The following PKD1 variants were observed in gnomAD, a reference collection of about 807,000 sequenced individuals.
PKD1 encodes the protein polycystin 1, transient receptor potential channel interacting, also known as polycystin-1.
A neutral mutation model predicts 361.7 loss-of-function variants in PKD1; 81 were observed. The ratio of observed to expected loss-of-function variants is 0.22; its 90% CI spans 0.19 to 0.27. The LOEUF is 0.27. Ranked by LOEUF, PKD1 falls within the 10% of genes least tolerant of loss-of-function variation. PKD1 has a pLI of 1.00. For synonymous variants in PKD1, 3,615 were observed against 2,818.3 expected (o/e 1.28, Z -8.95); for missense variants, 6,399 against 6,118.3 (o/e 1.05, Z -1.53).
intron 1 of PKD1, among the ~76,000 whole-genome samples, chr16:2,134,630 GGTC>G (rs1429905132): frequency 2.0e-5 from 3 of 151,760 alleles, no homozygotes; most frequent in African/African-American, 7.3e-5. Context: ...GCCTGGGACA[GGTC>G]GTGTCACCTC....
rs189095400 is a variant in PKD1 at position 2,114,418 on chromosome 16, G to C, written c.2605C>G (p.Arg869Gly). Reference protein sequence around the residue: ...ARWPGGSVSARFENVCPALVA... With the variant: ...ARWPGGSVSAGFENVCPALVA... ...AGGGCAGGGCAGACATTCTCAAAGC[G>C]GGCGCTGACACTGCCCCCAGGCCAG... The change falls in exon 11 of 46, where the codon CGC becomes GGC. Residue 869 changes from arginine to glycine, a missense_variant. Coordinates refer to ENST00000262304, the MANE Select transcript of PKD1 (RefSeq NM_001009944.3). 2.5e-6 allele frequency: 4 copies of C among 1,603,156 alleles called. No homozygotes were observed. The highest frequency in any genetic ancestry group is 2.3e-4 in the Middle Eastern group (1 of 4,428).
At chr16:2,092,877 CAT>C in intron 38 of PKD1, 75 bp downstream of exon 38, 29 of 1,547,316 alleles carry the variant, frequency 1.9e-5, no homozygotes, top group East Asian at 1.8e-4. Context: ...CACATGTCCA[CAT>C]GTCCCCTAGG....
In PKD1 at chr16:2,093,883, GC is replaced by G. The variant is rs2151708652; in HGVS notation, c.10748del (p.Gly3583AlafsTer2). The part of the protein sequence containing the change: ...SGWVGASFPP[G>X]VSVAWLLSSS... ...TGGACAGGAGCCACGCAACACTCAC[GC>G]CCGGGGGGAAGCTCGCACCCACCCA... On this transcript the variant is annotated frameshift_variant, in exon 36 of 46. Transcript: ENST00000262304. LOFTEE classifies it high-confidence loss of function. 6.3e-7 allele frequency: 1 copy of G among 1,575,562 alleles called. No homozygotes were observed.
At chr16:2,099,812 C>T in intron 29 of PKD1, 42 bp from the exon 30 acceptor site, 1 of 1,555,294 alleles carries the variant, frequency 6.4e-7, no homozygotes. Context: ...GGCTGAGGGG[C>T]AGGAAGGGCT....
At position 2,112,918 on chromosome 16, in the gene PKD1, C is replaced by G; in HGVS notation, c.3031G>C (p.Val1011Leu). 1.2e-6 allele frequency: 2 copies of G among 1,605,482 alleles called. No individual in the cohort carries two copies. The highest frequency in any genetic ancestry group is 1.7e-6 in the Non-Finnish European group (2 of 1,179,762). ...ATCCTGTTCATCCGCTCCACGGTTA[C>G]GTTGTAGTTCACGGTGACGTTGCTC... ...HVSNVTVNYN[V>L]TVERMNRMQG... The change falls in exon 13 of 46, where the codon GTA becomes CTA. Residue 1011 changes from valine (V) to leucine (L), a missense_variant. Transcript: ENST00000262304.
At chr16:2,124,281 C>T (rs1158607565) in intron 1 of PKD1, among the ~76,000 whole-genome samples, 3 of 152,232 alleles carry the variant, frequency 2.0e-5, no homozygotes, top group Non-Finnish European at 2.9e-5. Flanking sequence ...CGGGTCTGCC[C>T]GCCACCCGGG....
rs759750588 is a variant in PKD1 at position 2,114,744 on chromosome 16, C to A, written c.2279G>T (p.Gly760Val). Residue 760 changes from glycine to valine, a missense_variant, in exon 11 of 46, where the codon GGC (glycine) becomes GTC (valine). By Grantham distance (109) the Gly-to-Val change is moderately radical (BLOSUM62 -3). Transcript: ENST00000262304. ...WLPHLPAQLEGTWACPACALR... is the reference protein window; with the variant it reads ...WLPHLPAQLEVTWACPACALR... ...GGCACAGGCAGGGCAGGCCCAAGTGCCCTCCAGCTGGGCTGGCAAGTGGGG... is the reference window on the plus strand; with the variant it reads ...GGCACAGGCAGGGCAGGCCCAAGTGACCTCCAGCTGGGCTGGCAAGTGGGG... 15 of 1,501,948 alleles carry A rather than the reference C, an allele frequency of 1.0e-5. No individual in the cohort carries two copies. The highest frequency in any genetic ancestry group is 4.8e-5 in the South Asian group (4 of 83,296). The allele number at this position is 1,501,948 out of a possible 1,614,324, so 93.0% of individuals were successfully genotyped here.
rs2092521439 is a variant in PKD1, at chr16:2,111,978, C to T, written c.3296-107G>A. On this transcript the variant is annotated intron_variant, in intron 14 of 45. Coordinates refer to ENST00000262304, the MANE Select transcript of PKD1 (RefSeq NM_001009944.3). ...AGCCCGGGGTGAACGGCTGCACCTG[C>T]GGCCCAGCCTTAAGGGTCCCAGGCT... 27 of 1,218,860 alleles carry T rather than the reference C, an allele frequency of 2.2e-5. No homozygotes were observed. In the Admixed American group the frequency reaches 2.3e-4, roughly 10 times the overall value. 75.5% of individuals were successfully genotyped at this position (1,218,860 alleles called of 1,614,324 possible).
chr16:2,098,039 G>A lies in PKD1; in HGVS notation c.10051-55C>T, dbSNP rs1276951294. The A allele has an allele frequency of 4.3e-6, 4 of 921,650 alleles. No individual in the cohort carries two copies. The African/African-American group carries it at 6.4e-5, about 15-fold the overall frequency. The allele number at this position is 921,650 out of a possible 1,614,324, so 57.1% of individuals were successfully genotyped here. A position where few individuals can be genotyped will look rare whatever the true frequency, so the allele number is the denominator to read the frequency against. On this transcript the variant is annotated intron_variant, in intron 30 of 45. Coordinates refer to ENST00000262304, the MANE Select transcript of PKD1 (RefSeq NM_001009944.3). ...GGCAGCTCAGACCTGCTCAGGACAGGGATGAGAAGCCACCTCCTCAGCAGA... is the reference window on the plus strand; with the variant it reads ...GGCAGCTCAGACCTGCTCAGGACAGAGATGAGAAGCCACCTCCTCAGCAGA...
Position 2,112,768 on chromosome 16 carries a change from C to A in PKD1, c.3161+20G>T. 2 of 1,593,898 alleles carry A rather than the reference C, an allele frequency of 1.3e-6. No individual in the cohort carries two copies. The highest frequency in any genetic ancestry group is 2.3e-4 in the Middle Eastern group (1 of 4,420). ...ACAAGAGCCTGGTGCCCACCCCAAACCGGCCCCCGAGTCACTCACAGGAAG... is the reference window on the plus strand; with the variant it reads ...ACAAGAGCCTGGTGCCCACCCCAAAACGGCCCCCGAGTCACTCACAGGAAG... On this transcript the variant is annotated intron_variant, in intron 13 of 45. Transcript: ENST00000262304.
At chr16:2,099,461 G>T in intron 30 of PKD1, 183 bp downstream of exon 30, 1 of 697,348 alleles carries the variant, frequency 1.4e-6, no homozygotes, top group Non-Finnish European at 2.6e-6. Context: ...TCTGGCTTCT[G>T]AGTCTTCTCT....
chr16:2,093,253 C>A (rs1377771071), intron 37 of PKD1, 160 bp from the exon 38 acceptor site: 5 of 849,092 alleles, frequency 5.9e-6, no homozygotes, highest in Admixed American at 2.1e-5. Flanking sequence ...AATGGCAGCA[C>A]ACACCCTGCC....
rs544060015 is a variant in PKD1 at position 2,092,035 on chromosome 16, C to CG, written c.11411+11dup. ...CCTTGGCGTAGACGCCCGGGGCCCT[C>CG]GCTCTGCTCACCCCAGCAGATCCGG... On this transcript the variant is annotated intron_variant, in intron 40 of 45. Transcript: ENST00000262304. The CG allele has an allele frequency of 2.8e-5, 45 of 1,612,606 alleles. No individual in the cohort carries two copies. The highest frequency in any genetic ancestry group is 3.8e-5 in the Non-Finnish European group (45 of 1,179,946).
intron 26 of PKD1, among the ~76,000 whole-genome samples, chr16:2,101,732 A>G (rs910365842): frequency 5.3e-5 from 8 of 152,288 alleles, no homozygotes; most frequent in African/African-American, 1.9e-4. Flanking sequence ...TCCGTCTGAG[A>G]GACGAGCTAT....
At position 2,107,890 on chromosome 16, in the gene PKD1, T is replaced by C. The variant is rs1215078240; in HGVS notation, c.7058A>G (p.Asn2353Ser). ...WKAGRKEEAT[N>S]QTVLIRSGRV... is the part of the protein sequence containing the mutation. ...GGGGCGGGCGGCACCCACCGTCTGG[T>C]TGGTGGCCTCCTCCTTGCGGCCGGC... The change falls in exon 16 of 46, where the codon AAC (asparagine) becomes AGC (serine). Residue 2353 changes from asparagine to serine, a missense_variant. Physicochemically the swap from Asn to Ser is conservative, Grantham distance 46. Transcript: ENST00000262304. 3.2e-6 allele frequency: 5 copies of C among 1,544,054 alleles called. No individual in the cohort carries two copies. Among genetic ancestry groups the C allele is most frequent in the Admixed American group, 2.0e-5 (1 of 50,984 alleles).
chr16:2,127,883 G>A (rs1264077474), intron 1 of PKD1, among the ~76,000 whole-genome samples: 1 of 141,998 alleles, frequency 7.0e-6, no homozygotes, highest in Non-Finnish European at 1.5e-5. Flanking sequence ...TAGAGAGAAG[G>A]GACACAGCAG....
Position 2,115,615 on chromosome 16 carries a change from C to T in PKD1, c.1860G>A (p.Glu620=). ...YRLLSTAGTP[E]NGSEPESRSP... Reference sequence around the variant, plus strand: ...ACCTGCTCTCAGGCTCGCTGCCGTTCTCCGGGGTCCCTGTGAGGAGGGGAG... The same window carrying T: ...ACCTGCTCTCAGGCTCGCTGCCGTTTTCCGGGGTCCCTGTGAGGAGGGGAG... Residue 620 remains glutamate, a synonymous_variant, in exon 10 of 46, where the codon GAG becomes GAA. Coordinates refer to ENST00000262304, the MANE Select transcript of PKD1 (RefSeq NM_001009944.3). 4.4e-6 allele frequency: 7 copies of T among 1,601,232 alleles called. No individual in the cohort carries two copies. Among genetic ancestry groups the T allele is most frequent in the Non-Finnish European group, 5.1e-6 (6 of 1,176,880 alleles).
Position 2,090,709 on chromosome 16 carries a change from C to G in PKD1, c.12103G>C (p.Val4035Leu), listed in dbSNP as rs1383439507. Residue 4035 changes from valine to leucine, a missense_variant, in exon 44 of 46, where the codon GTG (valine) becomes CTG (leucine). Coordinates refer to ENST00000262304, the MANE Select transcript of PKD1 (RefSeq NM_001009944.3). ...AGCTGGGCGTAGGCTACCCCGAGCA[C>G]CACCAGGCCCAAGGTGACCCCCAGG... The part of the protein sequence containing the change: ...ELLGVTLGLV[V>L]LGVAYAQLAI... The G allele has an allele frequency of 6.2e-7, 1 of 1,612,412 alleles. No homozygotes were observed. Among genetic ancestry groups the G allele is most frequent in the Non-Finnish European group, 8.5e-7 (1 of 1,179,972 alleles).
intron 9 of PKD1, 44 bp from the exon 10 acceptor site, chr16:2,115,669 C>A: frequency 6.3e-7 from 1 of 1,580,642 alleles, no homozygotes. Context: ...TGCCCACAGG[C>A]CACCGTCAGA....
Sources: allele counts gnomAD v4.1 joint callset (sites outside exome capture counted in the v4.1 genomes callset), GRCh38; gene constraint gnomAD v4.1.1; transcripts MANE v1.5; gene names NCBI Gene and HGNC (gene_info 2026-07-23, HGNC 2026-07-21).